Variants in FAM53A observed in about 807,000 individuals in gnomAD.
The protein encoded by FAM53A is family with sequence similarity 53 member A.
A neutral mutation model predicts 26.6 loss-of-function variants in FAM53A; 28 were observed. That is an observed-to-expected ratio of 1.05 (90% CI 0.78 to 1.45). FAM53A has a LOEUF of 1.45. FAM53A is among the 40% of genes most tolerant of loss of function. The pLI is 0.00. For missense variants in FAM53A, 650 were observed against 575.8 expected (o/e 1.13, Z -1.32); for synonymous variants, 290 against 253.1 (o/e 1.15, Z -1.38).
At chr4:1,615,371 C>T (rs562086859), downstream of FAM53A, among the ~76,000 whole-genome samples, 2 of 145,986 alleles carry the variant, frequency 1.4e-5, no homozygotes, top group South Asian at 2.2e-4. Context: ...CACCTGGGCA[C>T]ACACACGGAA....
chr4:1,641,677 CA>C, intron 4 of FAM53A, 70 bp from the exon 5 acceptor site: 1 of 1,531,174 alleles, frequency 6.5e-7, no homozygotes, highest in Non-Finnish European at 9.0e-7. Flanking sequence ...CCCACCAACC[CA>C]TCGAGGGCTC....
In FAM53A at chr4:1,655,456, G is replaced by A. The variant is rs1242906181; in HGVS notation, c.404C>T (p.Ser135Phe). Residue 135 changes from serine to phenylalanine, a missense_variant, in exon 4 of 5, where the codon TCC becomes TTC. By Grantham distance (155) the Ser-to-Phe change is radical. Coordinates refer to ENST00000308132, the MANE Select transcript of FAM53A (RefSeq NM_001174070.3). Reference sequence around the variant, plus strand: ...CTTGGAGCTGCCGGGGCGCCAGGGGGACCGGCAGCGCACAAGCTCCTCGGG... The same window carrying A: ...CTTGGAGCTGCCGGGGCGCCAGGGGAACCGGCAGCGCACAAGCTCCTCGGG... ...SEPEELVRCRSPWRPGSSKVW... is the reference protein window; with the variant it reads ...SEPEELVRCRFPWRPGSSKVW... 5.2e-6 allele frequency: 8 copies of A among 1,549,502 alleles called. No homozygotes were observed. Among genetic ancestry groups the A allele is most frequent in the Non-Finnish European group, 5.2e-6 (6 of 1,146,320 alleles).
chr4:1,576,669 G>T, the FAM53A span, among the ~76,000 whole-genome samples: 1 of 152,248 alleles, frequency 6.6e-6, no homozygotes, highest in African/African-American at 2.4e-5. Context: ...TCGAAGAGGC[G>T]GCAGCGGTGG....
At chr4:1,575,508 G>T in the FAM53A span, among the ~76,000 whole-genome samples, 1 of 152,182 alleles carries the variant, frequency 6.6e-6, no homozygotes, top group Non-Finnish European at 1.5e-5. Context: ...CCCTGACAGA[G>T]GGGTGGCCTG....
At chr4:1,575,913 C>T in the FAM53A span, among the ~76,000 whole-genome samples, 1 of 152,112 alleles carries the variant, frequency 6.6e-6, no homozygotes, top group African/African-American at 2.4e-5. Flanking sequence ...ACCTCACCCC[C>T]GGGACCCCCT....
chr4:1,601,311 T>C, the FAM53A span, among the ~76,000 whole-genome samples: 2 of 62,022 alleles, frequency 3.2e-5, 1 homozygote, highest in Non-Finnish European at 8.8e-5. Context: ...CCCCGTACAG[T>C]GGGGACACCA....
intron 1 of FAM53A, among the ~76,000 whole-genome samples, chr4:1,675,778 A>T (rs1235065341): frequency 6.6e-6 from 1 of 151,978 alleles, no homozygotes; most frequent in Non-Finnish European, 1.5e-5. Context: ...AGAGGCCAAA[A>T]TCCTCACCCT....
the FAM53A span, among the ~76,000 whole-genome samples, chr4:1,575,697 C>A: frequency 6.6e-6 from 1 of 152,102 alleles, no homozygotes; most frequent in Admixed American, 6.5e-5. Flanking sequence ...CAGGAAATGG[C>A]CTGGCACCCC....
chr4:1,578,632 C>G, the FAM53A span, among the ~76,000 whole-genome samples: 3 of 150,842 alleles, frequency 2.0e-5, no homozygotes, highest in Admixed American at 6.6e-5. Flanking sequence ...CCCTGCCCTC[C>G]ACGCCCACCT....
the FAM53A span, among the ~76,000 whole-genome samples, chr4:1,608,418 TC>T: frequency 3.3e-5 from 5 of 152,144 alleles, no homozygotes; most frequent in East Asian, 7.7e-4. Flanking sequence ...ATCTGCTGTT[TC>T]CATGCTCACG....
At chr4:1,626,819 T>C (rs1391175488) in intron 1 of FAM53A, among the ~76,000 whole-genome samples, 1 of 152,098 alleles carries the variant, frequency 6.6e-6, no homozygotes, top group Non-Finnish European at 1.5e-5. Context: ...GCCCTGAGTC[T>C]CCATCACAAA....
chr4:1,615,885 T>TAGGGCAGGGGC (rs1415810087), downstream of FAM53A, among the ~76,000 whole-genome samples: 1 of 152,172 alleles, frequency 6.6e-6, no homozygotes, highest in Non-Finnish European at 1.5e-5. Flanking sequence ...GCAGCGACGT[T>TAGGGCAGGGGC]AGGGCAGGGG....
the FAM53A span, among the ~76,000 whole-genome samples, chr4:1,594,337 C>T: frequency 6.6e-6 from 1 of 152,180 alleles, no homozygotes; most frequent in East Asian, 1.9e-4. Flanking sequence ...GCCTGTGTCC[C>T]CTTCTCCTTG....
At chr4:1,649,108 A>G (rs771663649) in intron 4 of FAM53A, among the ~76,000 whole-genome samples, 12 of 149,950 alleles carry the variant, frequency 8.0e-5, no homozygotes, top group Non-Finnish European at 1.5e-4. Flanking sequence ...AGCAAAACAG[A>G]AAGGGAAAGG....
In FAM53A at chr4:1,650,248, CTG is replaced by C. The variant is rs1375326216; in HGVS notation, c.882+4728_882+4729del. On this transcript the variant is annotated intron_variant, in intron 4 of 4. Coordinates refer to ENST00000308132, the MANE Select transcript of FAM53A (RefSeq NM_001174070.3). ...GAGGTGGCACAGGCGTGGCGTTTGA[CTG>C]TGAGGTGGCAAAGGCGTGGCGTTTG... 2.4e-5 allele frequency among the ~76,000 whole-genome samples: 3 copies of C among 125,416 alleles called. No individual in the cohort carries two copies. The East Asian group carries it at 7.9e-4, about 33-fold the overall frequency. 82.3% of individuals were successfully genotyped at this position (125,416 alleles called of 152,430 possible).
intron 3 of FAM53A, 148 bp from the exon 4 acceptor site, chr4:1,655,871 G>A (rs1196229013): frequency 1.0e-6 from 1 of 982,458 alleles, no homozygotes; most frequent in East Asian, 3.0e-5. Context: ...GATGTCCGTG[G>A]CGCACAGTGG....
intron 1 of FAM53A, among the ~76,000 whole-genome samples, chr4:1,623,805 C>T (rs1715162328): frequency 6.6e-6 from 1 of 152,240 alleles, no homozygotes; most frequent in African/African-American, 2.4e-5. Flanking sequence ...AAAAACTTGC[C>T]TGACTTAATG....
At chr4:1,661,936 T>C (rs1713866764) in intron 2 of FAM53A, among the ~76,000 whole-genome samples, 1 of 152,126 alleles carries the variant, frequency 6.6e-6, no homozygotes, top group South Asian at 2.1e-4. Context: ...GGAAGCATGC[T>C]GATGGAAAGG....
intron 4 of FAM53A, 134 bp downstream of exon 4, chr4:1,654,844 A>T: frequency 7.9e-7 from 1 of 1,266,404 alleles, no homozygotes; most frequent in South Asian, 1.9e-5. Flanking sequence ...GGCTCTCCTC[A>T]CTCCTTTCCT....
Sources: gnomAD v4.1 joint callset for allele counts (sites outside exome capture counted in the v4.1 genomes callset) on GRCh38, gnomAD v4.1.1 for gene constraint, MANE v1.5 for transcripts, NCBI Gene and HGNC (gene_info 2026-07-23, HGNC 2026-07-21) for gene names.